The following PSD2 variants were observed in gnomAD, a reference collection of about 807,000 sequenced individuals.
PSD2 encodes the protein pleckstrin and Sec7 domain containing 2.
In PSD2, 38 loss-of-function variants were observed where a neutral mutation model predicts 69.8. The ratio of observed to expected loss-of-function variants is 0.54; its 90% CI spans 0.42 to 0.71. The LOEUF (loss-of-function observed/expected upper bound fraction) is 0.71, where lower values mean the gene tolerates loss of function less well. Among genes scored for constraint, PSD2 ranks in the 30% least tolerant of loss-of-function variants. PSD2 has a pLI of 0.00. For missense variants in PSD2, 943 were observed against 1,014.5 expected (o/e 0.93, Z 0.96); for synonymous variants, 412 against 423.0 (o/e 0.97, Z 0.32).
At chr5:139,804,024 C>T (rs755910163) in intron 1 of PSD2, among the ~76,000 whole-genome samples, 1 of 152,198 alleles carries the variant, frequency 6.6e-6, no homozygotes, top group Non-Finnish European at 1.5e-5. Context: ...CACTCCAGGC[C>T]TGGCCATCCT....
At chr5:139,747,287 C>G in the PSD2 span, among the ~76,000 whole-genome samples, 4 of 152,164 alleles carry the variant, frequency 2.6e-5, no homozygotes, top group Non-Finnish European at 5.9e-5. This position sits in a 1 kb window ranked among gnomAD's most constrained non-coding sequence, Gnocchi z 6.7. Context: ...CACCTCACAG[C>G]CCTGTTTACG....
chr5:139,813,602 T>C lies in PSD2; in HGVS notation c.665T>C (p.Leu222Pro), dbSNP rs772911071. ...GGTGATGGGGAGCTGGGCAGCCCCC[T>C]GCGGCGCTCCATCTCCAGCAGCCGC... ...AGGDGELGSP[L>P]RRSISSSRSE... Residue 222 changes from leucine (L) to proline (P), a missense_variant, in exon 3 of 15, where the codon CTG (leucine) becomes CCG (proline). Around this residue, in one of 3 missense-constraint regions of PSD2, gnomAD observed 466 missense variants for 445.0 expected, o/e 1.05. Coordinates refer to ENST00000274710, the MANE Select transcript of PSD2 (RefSeq NM_032289.4). The C allele has an allele frequency of 9.3e-6, 15 of 1,613,810 alleles. No individual in the cohort carries two copies. Among genetic ancestry groups the C allele is most frequent in the Non-Finnish European group, 1.3e-5 (15 of 1,179,904 alleles).
chr5:139,831,801 T>C (rs1389248962), intron 7 of PSD2, among the ~76,000 whole-genome samples: 1 of 152,236 alleles, frequency 6.6e-6, no homozygotes, highest in Non-Finnish European at 1.5e-5. Context: ...CATTTCTGCT[T>C]CTCCACATTT....
the PSD2 span, among the ~76,000 whole-genome samples, chr5:139,762,759 G>A: frequency 3.9e-5 from 6 of 152,190 alleles, no homozygotes; most frequent in East Asian, 1.9e-4. Flanking sequence ...GACCCCTCCC[G>A]GCAGAGCCAG....
At chr5:139,830,557 C>CTTTTCTTTCTTTCTTTCTTTCTTT (rs1561605159) in intron 7 of PSD2, among the ~76,000 whole-genome samples, 1 of 132,988 alleles carries the variant, frequency 7.5e-6, no homozygotes, top group African/African-American at 3.2e-5. Context: ...TTCCTTCCTT[C>CTTTTCTTTCTTTCTTTCTTTCTTT]CTTCCTTCCT....
At chr5:139,779,096 G>A in the PSD2 span, among the ~76,000 whole-genome samples, 5 of 152,062 alleles carry the variant, frequency 3.3e-5, no homozygotes, top group Admixed American at 3.3e-4. Flanking sequence ...GATTTCCCCA[G>A]GACTTAGCCA....
intron 5 of PSD2, among the ~76,000 whole-genome samples, chr5:139,818,972 A>G (rs1248485978): frequency 2.0e-5 from 3 of 151,980 alleles, no homozygotes; most frequent in East Asian, 1.9e-4. Flanking sequence ...TTTTTTGAAC[A>G]TATTAGTTGT....
the PSD2 span, among the ~76,000 whole-genome samples, chr5:139,750,471 C>A: frequency 1.3e-5 from 2 of 152,236 alleles, no homozygotes; most frequent in Non-Finnish European, 2.9e-5. Flanking sequence ...TGCATTGTAA[C>A]CCCCAACCTT....
At chr5:139,779,923 G>A in the PSD2 span, among the ~76,000 whole-genome samples, 1 of 152,188 alleles carries the variant, frequency 6.6e-6, no homozygotes, top group African/African-American at 2.4e-5. Context: ...TAATCCATTT[G>A]CTTCTTGACA....
chr5:139,810,626 G>C (rs930613172), intron 2 of PSD2, among the ~76,000 whole-genome samples: 1 of 152,198 alleles, frequency 6.6e-6, no homozygotes, highest in Admixed American at 6.5e-5. Flanking sequence ...CCTGGCCTGG[G>C]CATTTGTGGC....
Position 139,833,716 on chromosome 5 carries a change from G to A in PSD2, c.1284G>A (p.Lys428=), listed in dbSNP as rs1159398219. Residue 428 remains lysine, a synonymous_variant, in exon 8 of 15, where the codon AAG becomes AAA. Transcript: ENST00000274710. ...CTCCATTACAGAACATTGGCAAAAA[G>A]ATGTCCTGTCAGCAATTCATTGCCA... is the stretch of plus-strand genomic sequence containing the variant. ...TDLHGHNIGK[K]MSCQQFIANL... The A allele has an allele frequency of 1.9e-6, 3 of 1,613,746 alleles. No homozygotes were observed. Among genetic ancestry groups the A allele is most frequent in the Admixed American group, 1.7e-5 (1 of 60,030 alleles).
intron 1 of PSD2, among the ~76,000 whole-genome samples, chr5:139,803,518 C>G (rs1208918988): frequency 6.6e-6 from 1 of 152,212 alleles, no homozygotes; most frequent in African/African-American, 2.4e-5. Context: ...TGGCACCCCC[C>G]ATTTATGGAG....
chr5:139,796,634 G>T (rs1243355015), intron 1 of PSD2, among the ~76,000 whole-genome samples: 1 of 152,216 alleles, frequency 6.6e-6, no homozygotes, highest in Non-Finnish European at 1.5e-5. Flanking sequence ...GGTGCAGAGG[G>T]AGTCCAGACT....
intron 1 of PSD2, among the ~76,000 whole-genome samples, chr5:139,807,365 G>T (rs150895458): frequency 4.2e-5 from 3 of 71,422 alleles, no homozygotes; most frequent in Non-Finnish European, 8.3e-5. Context: ...CCCTCCCCCC[G>T]CTCAGGAGTC....
In PSD2 at chr5:139,821,874, G is replaced by A; in HGVS notation, c.1098-19G>A. 1 of 1,542,222 alleles carries A rather than the reference G, an allele frequency of 6.5e-7. No homozygotes were observed. The highest frequency in any genetic ancestry group is 8.9e-7 in the Non-Finnish European group (1 of 1,122,768). ...GTGAGGACTCAGACTGCCCTCAGCA[G>A]CTTTGAATTGCCTTCCAGAACATTC... On this transcript the variant is annotated intron_variant, in intron 5 of 14. Transcript: ENST00000274710.
chr5:139,778,945 CA>C, the PSD2 span, among the ~76,000 whole-genome samples: 17,631 of 100,006 alleles, frequency 0.18, 983 homozygotes, highest in African/African-American at 0.2. Flanking sequence ...AGAAAAAAAA[CA>C]AAAAAAAAAA....
At chr5:139,787,233 G>A in the PSD2 span, among the ~76,000 whole-genome samples, 18 of 152,288 alleles carry the variant, frequency 1.2e-4, 1 homozygote, top group South Asian at 3.3e-3. Context: ...GGCATGAACG[G>A]GGCAAACAAG....
At position 139,839,547 on chromosome 5, in the gene PSD2, T is replaced by A. The variant is rs962511252; in HGVS notation, c.1969-480T>A. The stretch of plus-strand genomic sequence containing the variant: ...GCCCATCAGCGACAGTGTCTCCGCC[T>A]GTCTTTGGGTGTGATCCTGGGTCTG... On this transcript the variant is annotated intron_variant, in intron 13 of 14. Transcript: ENST00000274710. This position sits in a 1 kb window ranked among gnomAD's most constrained non-coding sequence, Gnocchi z 5.1. Among the ~76,000 whole-genome samples, 4 of 152,246 alleles carry A rather than the reference T, an allele frequency of 2.6e-5. No individual in the cohort carries two copies. The highest frequency in any genetic ancestry group is 9.6e-5 in the African/African-American group (4 of 41,466).
the PSD2 span, among the ~76,000 whole-genome samples, chr5:139,788,576 A>C: frequency 6.6e-6 from 1 of 152,190 alleles, no homozygotes; most frequent in East Asian, 1.9e-4. Flanking sequence ...CTGGACGGCC[A>C]GCTGGACCTC....
Sources: allele counts gnomAD v4.1 joint callset (sites outside exome capture counted in the v4.1 genomes callset), GRCh38; gene constraint gnomAD v4.1.1; regional missense constraint gnomAD v4.1.1; non-coding constraint Gnocchi (gnomAD v3.1); transcripts MANE v1.5; gene names NCBI Gene and HGNC (gene_info 2026-07-23, HGNC 2026-07-21).